PLXNA4: variants seen among roughly 807,000 people sequenced by gnomAD.
PLXNA4 encodes plexin-A4.
A neutral mutation model predicts 191.8 loss-of-function variants in PLXNA4; 44 were observed. The ratio of observed to expected loss-of-function variants is 0.23; its 90% CI spans 0.18 to 0.29. The LOEUF (loss-of-function observed/expected upper bound fraction) is 0.29. Ranked by LOEUF, PLXNA4 falls within the 10% of genes least tolerant of loss-of-function variation. The probability of loss-of-function intolerance (pLI) is 1.00; values close to 1 mark genes in which losing one functional copy is unlikely to be tolerated. For missense variants in PLXNA4, 1,800 were observed against 2,488.8 expected, an observed-to-expected ratio of 0.72 and a Z score of 5.89; for synonymous variants, 1,082 against 1,009.5, an observed-to-expected ratio of 1.07 and a Z score of -1.36.
intron 1 of PLXNA4, among the ~76,000 whole-genome samples, chr7:132,548,879 T>C (rs1800427934): frequency 6.6e-6 from 1 of 152,144 alleles, no homozygotes; most frequent in African/African-American, 2.4e-5. Context: ...AAGACGGTGA[T>C]GAAAGTGACC....
At chr7:132,567,145 C>T (rs1003362970) in intron 1 of PLXNA4, among the ~76,000 whole-genome samples, 4 of 152,152 alleles carry the variant, frequency 2.6e-5, no homozygotes, top group African/African-American at 9.7e-5. Context: ...AACAACAGGT[C>T]TTCTTCACCT....
At chr7:132,511,029 AGAAGGAGAGTTT>A (rs1798692531) in intron 1 of PLXNA4, among the ~76,000 whole-genome samples, 1 of 129,486 alleles carries the variant, frequency 7.7e-6, no homozygotes, top group African/African-American at 3.1e-5. Context: ...TAGCCTTTGC[AGAAGGAGAGTTT>A]GGAGCTGAGG....
intron 5 of PLXNA4, among the ~76,000 whole-genome samples, chr7:132,240,611 G>T (rs1446625445): frequency 6.6e-6 from 1 of 152,190 alleles, no homozygotes; most frequent in Non-Finnish European, 1.5e-5. Context: ...ATGTTAAGGA[G>T]ATGTGGAATC....
rs562004814 is a variant in PLXNA4, at chr7:132,210,935, C to T, written c.2298+8G>A. The T allele has an allele frequency of 2.1e-5, 34 of 1,608,108 alleles. No homozygotes were observed. The highest frequency in any genetic ancestry group is 1.8e-4 in the East Asian group (8 of 44,756). On this transcript the variant is annotated splice_region_variant and intron_variant, in intron 10 of 31. Coordinates refer to ENST00000321063, the MANE Select transcript of PLXNA4 (RefSeq NM_020911.2). ...TGGTTTGGCAGTGGGCAGGGTTGGGCGACTCACAGAGGTGTTCTGGCACTG... is the reference window on the plus strand; with the variant it reads ...TGGTTTGGCAGTGGGCAGGGTTGGGTGACTCACAGAGGTGTTCTGGCACTG...
At chr7:132,570,430 T>C (rs1044365101) in intron 1 of PLXNA4, among the ~76,000 whole-genome samples, 1 of 152,240 alleles carries the variant, frequency 6.6e-6, no homozygotes, top group Non-Finnish European at 1.5e-5. Flanking sequence ...ACTTCTTTCC[T>C]CTTGGCCTCT....
chr7:132,390,689 C>T (rs1046199921), intron 3 of PLXNA4, among the ~76,000 whole-genome samples: 1 of 152,142 alleles, frequency 6.6e-6, no homozygotes, highest in Non-Finnish European at 1.5e-5. Context: ...TTCTTCTCTG[C>T]CCCATGAGTC....
At chr7:132,538,729 T>C (rs929418663) in intron 1 of PLXNA4, among the ~76,000 whole-genome samples, 8 of 152,308 alleles carry the variant, frequency 5.3e-5, no homozygotes, top group Middle Eastern at 3.4e-3. Context: ...CAGGATGCTG[T>C]AGGCTGCTGC....
At chr7:132,274,593 T>C (rs1309839703) in intron 4 of PLXNA4, among the ~76,000 whole-genome samples, 2 of 152,134 alleles carry the variant, frequency 1.3e-5, no homozygotes, top group East Asian at 3.8e-4. Flanking sequence ...TTCTACCAAG[T>C]CCTCAATCCT....
intron 3 of PLXNA4, among the ~76,000 whole-genome samples, chr7:132,330,964 C>T (rs942624937): frequency 3.3e-5 from 5 of 152,150 alleles, no homozygotes; most frequent in Non-Finnish European, 7.3e-5. Flanking sequence ...TCCCTGGTCA[C>T]CTTTGACTTC....
intron 3 of PLXNA4, among the ~76,000 whole-genome samples, chr7:132,397,222 TGTGA>T (rs1217226220): frequency 1.3e-5 from 2 of 152,238 alleles, no homozygotes; most frequent in African/African-American, 4.8e-5. Context: ...ATCCTTCTGA[TGTGA>T]GTAATTTGGA....
At chr7:132,248,226 A>C (rs73157219) in intron 4 of PLXNA4, among the ~76,000 whole-genome samples, 6,034 of 152,272 alleles carry the variant, frequency 0.04, 182 homozygotes, top group Non-Finnish European at 0.061. Flanking sequence ...ATGAACCCAC[A>C]TGGAGAGAGA....
chr7:132,135,173 G>GCTAT (rs1278154799), intron 30 of PLXNA4, among the ~76,000 whole-genome samples: 2 of 152,186 alleles, frequency 1.3e-5, no homozygotes, highest in African/African-American at 2.4e-5. Flanking sequence ...CAAGTAAAGG[G>GCTAT]CTATCTTCAC....
At chr7:132,205,733 G>C (rs931458792) in intron 10 of PLXNA4, among the ~76,000 whole-genome samples, 1 of 152,192 alleles carries the variant, frequency 6.6e-6, no homozygotes, top group African/African-American at 2.4e-5. Context: ...GCTGGGGCAG[G>C]CTGAGCTCTG....
intron 1 of PLXNA4, among the ~76,000 whole-genome samples, chr7:132,539,546 T>C (rs1330662100): frequency 6.6e-6 from 1 of 152,208 alleles, no homozygotes; most frequent in Non-Finnish European, 1.5e-5. Flanking sequence ...CACTGAAGTT[T>C]GAAAAGCCAC....
rs377629956 is a variant in PLXNA4 at position 132,610,767 on chromosome 7, C to CTCCCAGT, written c.-87+35154_-87+35160dup. 7.6e-3 allele frequency among the ~76,000 whole-genome samples: 1,159 copies of CTCCCAGT among 152,348 alleles called. 11 individuals carry two copies. Among genetic ancestry groups the CTCCCAGT allele is most frequent in the Non-Finnish European group, 0.012 (821 of 68,038 alleles). ...TCATTTGCCTAAGGCTCCTCTTCTC[C>CTCCCAGT]TCCCAGTTTCTGCCTCCTGGAGAGA... is the stretch of plus-strand genomic sequence containing the variant. On this transcript the variant is annotated intron_variant, in intron 2 of 4. Coordinates refer to the PLXNA4 transcript ENST00000378539.
chr7:132,383,413 T>C (rs1420810364), intron 3 of PLXNA4: 1 of 381,884 alleles, frequency 2.6e-6, no homozygotes, highest in Non-Finnish European at 3.6e-6. Flanking sequence ...TAAAGAAAAT[T>C]AAGAAAAAAT....
chr7:132,248,892 T>C (rs10488377), intron 4 of PLXNA4, among the ~76,000 whole-genome samples: 6,030 of 152,244 alleles, frequency 0.04, 181 homozygotes, highest in Non-Finnish European at 0.061. Flanking sequence ...AAAAACTCCT[T>C]GGGAATGATT....
intron 1 of PLXNA4, among the ~76,000 whole-genome samples, chr7:132,535,759 G>T (rs185577915): frequency 7.3e-6 from 1 of 137,492 alleles, no homozygotes; most frequent in Non-Finnish European, 1.6e-5. Flanking sequence ...ATCTTTTCCC[G>T]ATGATTGAAA....
intron 2 of PLXNA4, among the ~76,000 whole-genome samples, chr7:132,587,977 T>C (rs1026289388): frequency 1.3e-5 from 2 of 152,090 alleles, no homozygotes; most frequent in African/African-American, 2.4e-5. Flanking sequence ...CTTCATTCTA[T>C]GTCCAGACTC....
Sources: gnomAD v4.1 joint callset for allele counts (sites outside exome capture counted in the v4.1 genomes callset) on GRCh38, gnomAD v4.1.1 for gene constraint, MANE v1.5 for transcripts, NCBI Gene and HGNC (gene_info 2026-07-23, HGNC 2026-07-21) for gene names.